The following SOX5 variants were observed in gnomAD, a reference collection of about 807,000 sequenced individuals.
SOX5 encodes the protein transcription factor SOX-5.
A neutral mutation model predicts 92.0 loss-of-function variants in SOX5; 9 were observed. The ratio of observed to expected loss-of-function variants is 0.10; its 90% CI spans 0.06 to 0.17. The LOEUF (loss-of-function observed/expected upper bound fraction) is 0.17, where lower values mean the gene tolerates loss of function less well. Among genes scored for constraint, SOX5 ranks in the 10% least tolerant of loss-of-function variants. SOX5 has a pLI of 1.00. For synonymous variants in SOX5, 344 were observed against 336.3 expected, an observed-to-expected ratio of 1.02 and a Z score of -0.25; for missense variants, 642 against 944.5, an observed-to-expected ratio of 0.68 and a Z score of 4.20.
At chr12:24,337,537 A>C (rs1952048949) in intron 2 of SOX5, among the ~76,000 whole-genome samples, 1 of 151,948 alleles carries the variant, frequency 6.6e-6, no homozygotes, top group African/African-American at 2.4e-5. Flanking sequence ...ACAGGGTTTC[A>C]CCATGTTGGC....
At chr12:24,560,752 A>G (rs1204322412) in intron 1 of SOX5, among the ~76,000 whole-genome samples, 1 of 152,212 alleles carries the variant, frequency 6.6e-6, no homozygotes, top group Non-Finnish European at 1.5e-5. Context: ...ATTTCCGTAT[A>G]CTTTAAAGCC....
intron 1 of SOX5, among the ~76,000 whole-genome samples, chr12:24,523,333 A>C (rs974547224): frequency 6.6e-6 from 1 of 152,190 alleles, no homozygotes; most frequent in Non-Finnish European, 1.5e-5. Flanking sequence ...TCTACAAATT[A>C]GATGCAATCC....
chr12:23,945,501 C>T (rs1247537978), intron 1 of SOX5, among the ~76,000 whole-genome samples: 1 of 152,088 alleles, frequency 6.6e-6, no homozygotes, highest in Non-Finnish European at 1.5e-5. Context: ...GACAGTATTC[C>T]AGCATGAGAG....
intron 9 of SOX5, among the ~76,000 whole-genome samples, chr12:23,584,857 C>G (rs1950508909): frequency 6.6e-6 from 1 of 151,994 alleles, no homozygotes; most frequent in Non-Finnish European, 1.5e-5. Context: ...ATTCATATCA[C>G]TGTATTTCAT....
chr12:23,682,143 A>T (rs1014915966), intron 6 of SOX5, among the ~76,000 whole-genome samples: 1 of 151,806 alleles, frequency 6.6e-6, no homozygotes, highest in African/African-American at 2.4e-5. Context: ...TCTTTTCAAA[A>T]CCCACAGAAC....
intron 6 of SOX5, among the ~76,000 whole-genome samples, chr12:23,729,421 C>T (rs1234286425): frequency 6.6e-6 from 1 of 152,112 alleles, no homozygotes; most frequent in Non-Finnish European, 1.5e-5. Context: ...TATAATCCTA[C>T]ACCACCTGAA....
chr12:24,395,255 A>T (rs961129168), intron 1 of SOX5, among the ~76,000 whole-genome samples: 1 of 152,190 alleles, frequency 6.6e-6, no homozygotes, highest in East Asian at 1.9e-4. Context: ...TATTAAAAAA[A>T]AAAAGAGCTA....
intron 7 of SOX5, among the ~76,000 whole-genome samples, chr12:23,645,962 T>C (rs2080793340): frequency 6.6e-6 from 1 of 152,206 alleles, no homozygotes; most frequent in African/African-American, 2.4e-5. Flanking sequence ...GACAAAACTA[T>C]AGTCTATTAA....
chr12:24,374,614 T>C (rs1957067904), intron 1 of SOX5, among the ~76,000 whole-genome samples: 1 of 152,004 alleles, frequency 6.6e-6, no homozygotes, highest in South Asian at 2.1e-4. Context: ...CCAAAGGCAA[T>C]GGTAGGTCAG....
intron 2 of SOX5, among the ~76,000 whole-genome samples, chr12:23,876,804 C>A (rs971458968): frequency 1.3e-5 from 2 of 152,172 alleles, no homozygotes; most frequent in African/African-American, 4.8e-5. Context: ...CCATGGAATA[C>A]TATGCAGCCA....
At chr12:24,470,445 A>G (rs1944685696) in intron 1 of SOX5, among the ~76,000 whole-genome samples, 1 of 152,068 alleles carries the variant, frequency 6.6e-6, no homozygotes, top group Admixed American at 6.6e-5. Flanking sequence ...TAAGGCAGGA[A>G]CCTTCCAAGA....
intron 1 of SOX5, among the ~76,000 whole-genome samples, chr12:23,912,053 G>A (rs2097357675): frequency 6.6e-6 from 1 of 151,692 alleles, no homozygotes; most frequent in African/African-American, 2.4e-5. Flanking sequence ...ATATATATCT[G>A]GTAAGAGAAC....
At chr12:23,686,481 C>T (rs1353150183) in intron 6 of SOX5, among the ~76,000 whole-genome samples, 2 of 152,144 alleles carry the variant, frequency 1.3e-5, no homozygotes, top group Non-Finnish European at 2.9e-5. Context: ...AGTAGAACTA[C>T]CAAGCAATGC....
chr12:23,942,879 T>C (rs1007233085), intron 1 of SOX5, among the ~76,000 whole-genome samples: 4 of 152,010 alleles, frequency 2.6e-5, no homozygotes, highest in Non-Finnish European at 5.9e-5. Flanking sequence ...ATATCTTCTG[T>C]TTTTTAACAT....
intron 7 of SOX5, among the ~76,000 whole-genome samples, chr12:23,651,908 G>T (rs2081615763): frequency 6.6e-6 from 1 of 151,774 alleles, no homozygotes; most frequent in South Asian, 2.1e-4. Context: ...TTAGAAGGCT[G>T]ATTATGGTCT....
At chr12:23,960,961 A>G (rs4396371) in intron 4 of SOX5, among the ~76,000 whole-genome samples, 64,929 of 151,794 alleles carry the variant, frequency 0.43, 15,092 homozygotes, top group Non-Finnish European at 0.54. Flanking sequence ...TTTTTTCTTT[A>G]CTTTGAATGT....
At chr12:23,961,594 C>A (rs920377446) in intron 4 of SOX5, among the ~76,000 whole-genome samples, 1 of 152,132 alleles carries the variant, frequency 6.6e-6, no homozygotes, top group Non-Finnish European at 1.5e-5. Flanking sequence ...AGGTATCACC[C>A]CCTATTGGAA....
intron 6 of SOX5, among the ~76,000 whole-genome samples, chr12:23,687,292 G>A (rs897544524): frequency 8.6e-5 from 13 of 151,942 alleles, no homozygotes; most frequent in Non-Finnish European, 1.3e-4. Context: ...TGAAATGCAC[G>A]CTGATGTCCA....
At chr12:23,599,461 C>G (rs752684) in intron 9 of SOX5, among the ~76,000 whole-genome samples, 2 of 152,168 alleles carry the variant, frequency 1.3e-5, no homozygotes, top group African/African-American at 4.8e-5. Context: ...AGAAACACAA[C>G]TGTGACTTGG....
Sources: allele counts gnomAD v4.1 joint callset (sites outside exome capture counted in the v4.1 genomes callset), GRCh38; gene constraint gnomAD v4.1.1; transcripts MANE v1.5; gene names NCBI Gene and HGNC (gene_info 2026-07-23, HGNC 2026-07-21).